The following CCDC183 variants were observed in gnomAD, a reference collection of about 807,000 sequenced individuals.
The protein encoded by CCDC183 is coiled-coil domain-containing protein 183.
In CCDC183, 63 loss-of-function variants were observed where a neutral mutation model predicts 65.2. The ratio of observed to expected loss-of-function variants is 0.97; its 90% confidence interval spans 0.79 to 1.19. The LOEUF is 1.19. CCDC183 is among the 50% of genes most tolerant of loss of function. CCDC183 has a pLI of 0.00. For synonymous variants in CCDC183, 323 were observed against 276.5 expected (o/e 1.17, Z -1.67); for missense variants, 769 against 689.3 (o/e 1.12, Z -1.30).
intron 1 of CCDC183, among the ~76,000 whole-genome samples, chr9:136,798,155 A>G (rs1301343168): frequency 6.6e-6 from 1 of 151,816 alleles, no homozygotes; most frequent in Non-Finnish European, 1.5e-5. Context: ...ACAGGTGCCC[A>G]CCACCACGCC....
chr9:136,800,313 C>T lies in CCDC183; in HGVS notation c.439-76C>T, dbSNP rs977728974. 4.7e-6 allele frequency: 7 copies of T among 1,483,800 alleles called. No homozygotes were observed. In the East Asian group the frequency reaches 1.2e-4, roughly 26 times the overall value. The allele number at this position is 1,483,800 out of a possible 1,614,324, so 91.9% of individuals were successfully genotyped here. On this transcript the variant is annotated intron_variant, in intron 4 of 13. Coordinates refer to ENST00000338005, the MANE Select transcript of CCDC183 (RefSeq NM_001039374.5). ...GGGGCTAAGAGAGCACGACCCTCTCCGGAGAAAACCCAGCCCCGACACCCT... is the reference window on the plus strand; with the variant it reads ...GGGGCTAAGAGAGCACGACCCTCTCTGGAGAAAACCCAGCCCCGACACCCT...
rs560211819 is a variant in CCDC183 at position 136,806,636 on chromosome 9, T to A, written c.1242T>A (p.Tyr414Ter). 8.7e-6 allele frequency: 14 copies of A among 1,613,740 alleles called. No homozygotes were observed. The African/African-American group carries it at 1.1e-4, about 12-fold the overall frequency. ...TCCAGATGGGCATCGACAACCTCTATGTCCGGCTGATGGGCATTAACTTGC... is the reference window on the plus strand; with the variant it reads ...TCCAGATGGGCATCGACAACCTCTAAGTCCGGCTGATGGGCATTAACTTGC... Reference protein sequence around the residue: ...LTIQMGIDNLYVRLMGINLPA... With the variant: ...LTIQMGIDNL Residue 414 changes from tyrosine (Y) to a stop codon, truncating the protein, a stop_gained, in exon 11 of 14, where the codon TAT becomes TAA. Coordinates refer to ENST00000338005, the MANE Select transcript of CCDC183 (RefSeq NM_001039374.5). LOFTEE classifies it high-confidence loss of function.
rs1326726810 is a variant in CCDC183, at chr9:136,799,776, C to CCA, written c.256_257insCA (p.Arg86ProfsTer20). The CCA allele has an allele frequency of 1.2e-6, 2 of 1,612,888 alleles. No homozygotes were observed. Among genetic ancestry groups the CCA allele is most frequent in the African/African-American group, 2.7e-5 (2 of 75,056 alleles). On this transcript the variant is annotated frameshift_variant, in exon 3 of 14. Coordinates refer to ENST00000338005, the MANE Select transcript of CCDC183 (RefSeq NM_001039374.5). LOFTEE classifies it high-confidence loss of function. ...CTTGCCTTTGCGACTGGCGCACTGC[C>CCA]GCAGCACCATGGAGGTAACCAGGCA...
chr9:136,800,022 C>T lies in CCDC183; in HGVS notation c.291C>T (p.Arg97=), dbSNP rs1847712106. ...STMEVVREKL[R]KYVFDRVNMH... is the part of the protein sequence containing the mutation. ...CCCAGGTGGTGCGGGAGAAGCTGCG[C>T]AAGTACGTCTTCGACCGCGTGAACA... Residue 97 remains arginine, a synonymous_variant, in exon 4 of 14, where the codon CGC becomes CGT. Transcript: ENST00000338005. The T allele has an allele frequency of 6.3e-7, 1 of 1,590,710 alleles. No homozygotes were observed. Among genetic ancestry groups the T allele is most frequent in the Non-Finnish European group, 8.6e-7 (1 of 1,169,508 alleles).
At chr9:136,805,997 C>A in intron 9 of CCDC183, 81 bp from the exon 10 acceptor site, 1 of 1,188,340 alleles carries the variant, frequency 8.4e-7, no homozygotes. Context: ...TAGGAGGGGC[C>A]CAGAAGAAAC....
chr9:136,799,273 G>C (rs1286743652), intron 2 of CCDC183, 50 bp downstream of exon 2: 4 of 1,554,270 alleles, frequency 2.6e-6, no homozygotes, highest in Non-Finnish European at 3.5e-6. Flanking sequence ...GGCAGGAGCT[G>C]AGTACACACA....
rs1463806874 is a variant in CCDC183, at chr9:136,804,808, C to CCCTGAAATGTAAGCGCTCAGCT, written c.842_847+16dup. ...CCCTCGAACCTGATGAGCACGGAGA[C>CCCTGAAATGTAAGCGCTCAGCT]CCTGAAATGTAAGCGCTCAGCTCCC... On this transcript the variant is annotated frameshift_variant, in exon 8 of 14. Transcript: ENST00000338005. LOFTEE classifies it high-confidence loss of function. This position sits in a 1 kb window ranked among gnomAD's most constrained non-coding sequence, Gnocchi z 4.1. 3.1e-6 allele frequency: 5 copies of CCCTGAAATGTAAGCGCTCAGCT among 1,613,634 alleles called. No individual in the cohort carries two copies. Among genetic ancestry groups the CCCTGAAATGTAAGCGCTCAGCT allele is most frequent in the Middle Eastern group, 3.3e-4 (2 of 6,082 alleles).
intron 5 of CCDC183, among the ~76,000 whole-genome samples, chr9:136,801,982 G>A (rs1043750650): frequency 2.0e-5 from 3 of 152,016 alleles, no homozygotes; most frequent in African/African-American, 7.2e-5. Context: ...GTAGAGACAG[G>A]GTTTCACTAT....
At chr9:136,807,496 C>G in intron 13 of CCDC183, 76 bp from the exon 14 acceptor site, 1 of 1,479,230 alleles carries the variant, frequency 6.8e-7, no homozygotes, top group Non-Finnish European at 9.0e-7. Flanking sequence ...CGGTGGAGGG[C>G]GGGGGCGAGA....
chr9:136,806,519 G>C lies in CCDC183; in HGVS notation c.1125G>C (p.Glu375Asp). Residue 375 changes from glutamate to aspartate, a missense_variant, in exon 11 of 14, where the codon GAG becomes GAC. Physicochemically the swap from Glu to Asp is conservative, Grantham distance 45. Transcript: ENST00000338005. ...KPSSISFKSV[E>D]KKMTDMLKEE... ...CCTTCTGCAGCTTCAAGTCCGTTGA[G>C]AAGAAAATGACAGACATGCTAAAAG... 6.2e-7 allele frequency: 1 copy of C among 1,613,472 alleles called. No individual in the cohort carries two copies. The highest frequency in any genetic ancestry group is 8.5e-7 in the Non-Finnish European group (1 of 1,180,038).
intron 5 of CCDC183, among the ~76,000 whole-genome samples, chr9:136,802,319 A>AC (rs898780870): frequency 6.6e-6 from 1 of 152,036 alleles, no homozygotes; most frequent in Non-Finnish European, 1.5e-5. Context: ...TGACTCTCTG[A>AC]CCCCAAGCCC....
Position 136,804,860 on chromosome 9 carries a change from G to C in CCDC183, c.847+44G>C. 2.6e-6 allele frequency: 4 copies of C among 1,564,820 alleles called. No individual in the cohort carries two copies. Among genetic ancestry groups the C allele is most frequent in the African/African-American group, 1.4e-5 (1 of 74,018 alleles). ...ACCTGCCCCCAGCCAGGGTCCCAAG[G>C]AGAGGCTGGCACTGATTCAGGCCAA... On this transcript the variant is annotated intron_variant, in intron 8 of 13. Transcript: ENST00000338005. This position sits in a 1 kb window ranked among gnomAD's most constrained non-coding sequence, Gnocchi z 4.1.
rs765129832 is a variant in CCDC183, at chr9:136,804,740, C to T, written c.793-22C>T. The stretch of plus-strand genomic sequence containing the variant: ...CCCTGCCAAGGATGTCTCATCCCTT[C>T]CCCGCCCCCACCTCCCATCAGGGCC... On this transcript the variant is annotated intron_variant, in intron 7 of 13. Coordinates refer to ENST00000338005, the MANE Select transcript of CCDC183 (RefSeq NM_001039374.5). The surrounding 1 kb of genome is among the most constrained non-coding windows in gnomAD (Gnocchi z 4.1). 5.6e-6 allele frequency: 9 copies of T among 1,613,368 alleles called. No homozygotes were observed. Among genetic ancestry groups the T allele is most frequent in the South Asian group, 4.4e-5 (4 of 91,058 alleles).
chr9:136,807,431 C>A (rs1847880623), intron 13 of CCDC183, 141 bp from the exon 14 acceptor site: 2 of 1,096,172 alleles, frequency 1.8e-6, no homozygotes, highest in East Asian at 2.7e-5. Flanking sequence ...ATGGGCTGGG[C>A]TGAGTCCTCC....
chr9:136,802,534 A>G, intron 5 of CCDC183, 130 bp from the exon 6 acceptor site: 1 of 1,277,856 alleles, frequency 7.8e-7, no homozygotes, highest in African/African-American at 1.5e-5. Flanking sequence ...CCCAGCGGGG[A>G]GTGGGGGAGG....
Position 136,807,715 on chromosome 9 carries a change from G to A in CCDC183, c.*25G>A. On this transcript the variant is annotated 3_prime_UTR_variant, in exon 14 of 14. Coordinates refer to ENST00000338005, the MANE Select transcript of CCDC183 (RefSeq NM_001039374.5). ...GCCCCGCCGCCCCGCTCCCTGCTTT[G>A]CTACACAAATAAACATTTTTCCAGG... The A allele has an allele frequency of 1.3e-6, 2 of 1,581,572 alleles. No homozygotes were observed. The highest frequency in any genetic ancestry group is 1.7e-4 in the Middle Eastern group (1 of 5,966).
At position 136,804,695 on chromosome 9, in the gene CCDC183, G is replaced by A; in HGVS notation, c.793-67G>A. On this transcript the variant is annotated intron_variant, in intron 7 of 13. Transcript: ENST00000338005. This position sits in a 1 kb window ranked among gnomAD's most constrained non-coding sequence, Gnocchi z 4.1. ...ACAGCTGGGTGGACACAGGCTCAGG[G>A]CCACCACTCAGGGCCCACTCCCTGC... 1.9e-6 allele frequency: 3 copies of A among 1,612,954 alleles called. No homozygotes were observed. Among genetic ancestry groups the A allele is most frequent in the Non-Finnish European group, 2.5e-6 (3 of 1,179,466 alleles).
Position 136,806,975 on chromosome 9 carries a change from C to A in CCDC183, c.1395C>A (p.Asp465Glu), listed in dbSNP as rs769730821. Residue 465 changes from aspartate (D) to glutamate (E), a missense_variant, in exon 13 of 14, where the codon GAC becomes GAA. Physicochemically the swap from Asp to Glu is conservative, Grantham distance 45. Transcript: ENST00000338005. ...VQMVSRTEEG[D>E]TKVRDTLESS... ...AAGGGGGCTTTGCCCTGCAGGGCGA[C>A]ACAAAGGTGAGGGACACCCTGGAGT... 3 of 1,613,672 alleles carry A rather than the reference C, an allele frequency of 1.9e-6. No individual in the cohort carries two copies. In the South Asian group the frequency reaches 3.3e-5, roughly 18 times the overall value.
chr9:136,805,575 C>T (rs1043526215), intron 9 of CCDC183, 118 bp downstream of exon 9: 1 of 827,546 alleles, frequency 1.2e-6, no homozygotes, highest in Non-Finnish European at 1.9e-6. Context: ...GGGCTGGGGT[C>T]TGAGGCACTC....
Sources: gnomAD v4.1 joint callset for allele counts (sites outside exome capture counted in the v4.1 genomes callset) on GRCh38, gnomAD v4.1.1 for gene constraint, Gnocchi (gnomAD v3.1) non-coding constraint, MANE v1.5 for transcripts, NCBI Gene and HGNC (gene_info 2026-07-23, HGNC 2026-07-21) for gene names.